The following NEK11 variants were observed in gnomAD, a reference collection of about 807,000 sequenced individuals.
NEK11 encodes the protein NIMA related kinase 11, also known as serine/threonine-protein kinase Nek11.
In NEK11, 72 loss-of-function variants were observed where a neutral mutation model predicts 80.7. The observed-to-expected ratio is 0.89, with a 90% confidence interval of 0.74 to 1.08. The LOEUF is 1.08. Ranked by LOEUF, NEK11 falls within the 50% of genes least tolerant of loss-of-function variation. NEK11 has a pLI of 0.00. For missense variants in NEK11, 764 were observed against 763.6 expected (o/e 1.00, Z -0.01); for synonymous variants, 251 against 260.7 (o/e 0.96, Z 0.36).
At chr3:131,143,693 T>C (rs1455305087) in intron 7 of NEK11, among the ~76,000 whole-genome samples, 2 of 152,066 alleles carry the variant, frequency 1.3e-5, no homozygotes, top group African/African-American at 4.8e-5. Flanking sequence ...ATAAGGTAGG[T>C]CATTCATAAA....
At chr3:131,266,997 G>T (rs930887357) in intron 16 of NEK11, among the ~76,000 whole-genome samples, 3 of 152,158 alleles carry the variant, frequency 2.0e-5, no homozygotes, top group Admixed American at 2.0e-4. Flanking sequence ...TTTTATCAGA[G>T]ACTAAATTGC....
chr3:131,305,916 A>G (rs767478819), intron 17 of NEK11, among the ~76,000 whole-genome samples: 7 of 152,002 alleles, frequency 4.6e-5, no homozygotes, highest in Non-Finnish European at 8.8e-5. Flanking sequence ...GGAGTGTCCC[A>G]GTCTTCCCAG....
intron 4 of NEK11, among the ~76,000 whole-genome samples, chr3:131,086,348 T>C (rs2075981078): frequency 6.6e-6 from 1 of 152,240 alleles, no homozygotes; most frequent in South Asian, 2.1e-4. Flanking sequence ...ATTGTGATTA[T>C]ATATTTCTCT....
At chr3:131,215,394 C>T (rs1032871867) in intron 14 of NEK11, among the ~76,000 whole-genome samples, 9 of 151,594 alleles carry the variant, frequency 5.9e-5, no homozygotes, top group East Asian at 3.9e-4. Flanking sequence ...GCACGTTGTG[C>T]ACATGTACCC....
intron 5 of NEK11, among the ~76,000 whole-genome samples, chr3:131,124,372 A>C (rs1220209389): frequency 6.6e-6 from 1 of 152,250 alleles, no homozygotes; most frequent in African/African-American, 2.4e-5. Context: ...TTTGTCCAGC[A>C]GAGATGCAAA....
intron 17 of NEK11, among the ~76,000 whole-genome samples, chr3:131,288,458 T>C (rs113647237): frequency 8.6e-5 from 4 of 46,494 alleles, no homozygotes; most frequent in Non-Finnish European, 7.9e-5. Flanking sequence ...TTCTTTTTTT[T>C]TTTTTTTTTT....
intron 3 of NEK11, 21 bp from the exon 4 acceptor site, chr3:131,080,402 T>TA: frequency 1.9e-6 from 3 of 1,572,988 alleles, no homozygotes; most frequent in Non-Finnish European, 2.6e-6. Context: ...TAAATGTTTT[T>TA]AAAATTTTTT....
At chr3:131,337,275 C>A (rs2097201361) in intron 17 of NEK11, among the ~76,000 whole-genome samples, 2 of 151,722 alleles carry the variant, frequency 1.3e-5, no homozygotes, top group African/African-American at 4.8e-5. Flanking sequence ...CCATGGAATA[C>A]TATGCAGCCA....
chr3:131,119,833 A>G (rs2082051624), intron 5 of NEK11, among the ~76,000 whole-genome samples: 1 of 152,188 alleles, frequency 6.6e-6, no homozygotes, highest in Non-Finnish European at 1.5e-5. Context: ...GTTGCTTGGT[A>G]GATCTTCCTC....
At position 131,037,063 on chromosome 3, in the gene NEK11, G is replaced by A. The variant is rs180813273; in HGVS notation, c.170+7185G>A. Among the ~76,000 whole-genome samples, 668 of 152,210 alleles carry A rather than the reference G, an allele frequency of 4.4e-3. 3 individuals carry two copies. Among genetic ancestry groups the A allele is most frequent in the Non-Finnish European group, 8.0e-3 (542 of 68,002 alleles). Reference sequence around the variant, plus strand: ...ACTTGTTGGATATCTAGATTCTAGTGCCTTCTTTGAAGTAGAAGACTATTG... The same window carrying A: ...ACTTGTTGGATATCTAGATTCTAGTACCTTCTTTGAAGTAGAAGACTATTG... On this transcript the variant is annotated intron_variant, in intron 3 of 17. Transcript: ENST00000383366.
intron 15 of NEK11, among the ~76,000 whole-genome samples, chr3:131,231,194 A>ATTTTCTTTT (rs1482914152): frequency 7.6e-6 from 1 of 132,148 alleles, no homozygotes; most frequent in Non-Finnish European, 1.5e-5. Flanking sequence ...TCTTATTCCT[A>ATTTTCTTTT]TTTTCTTTTT....
intron 3 of NEK11, among the ~76,000 whole-genome samples, chr3:131,033,275 A>T (rs1338070453): frequency 6.6e-6 from 1 of 152,178 alleles, no homozygotes; most frequent in Non-Finnish European, 1.5e-5. Context: ...TTGACTAGAT[A>T]AGGTTTTAAA....
intron 11 of NEK11, among the ~76,000 whole-genome samples, chr3:131,163,747 G>A (rs1481421794): frequency 6.6e-6 from 1 of 152,018 alleles, no homozygotes. Flanking sequence ...ATCCCACAAT[G>A]TATACATATA....
chr3:131,033,337 G>C (rs2109344495), intron 3 of NEK11, among the ~76,000 whole-genome samples: 1 of 152,232 alleles, frequency 6.6e-6, no homozygotes, highest in Non-Finnish European at 1.5e-5. Context: ...AATGTTAGAG[G>C]TGGCTAGAAG....
chr3:131,257,824 A>G (rs1362897866), intron 16 of NEK11, among the ~76,000 whole-genome samples: 1 of 152,310 alleles, frequency 6.6e-6, no homozygotes, highest in Non-Finnish European at 1.5e-5. Context: ...ACTACTGGGT[A>G]TCTACCCAAA....
chr3:131,255,352 T>A (rs4974471), intron 16 of NEK11, among the ~76,000 whole-genome samples: 19,641 of 152,186 alleles, frequency 0.13, 1,560 homozygotes, highest in Admixed American at 0.21. Context: ...TAATAACACA[T>A]ACCCAGTTCT....
rs781532962 is a variant in NEK11 at position 131,109,811 on chromosome 3, T to C, written c.345T>C (p.Asp115=). ...TATGCTCTTCATTTCAGGGCCGAGA[T>C]CTGGACGATAAAATTCAGGAATATA... ...CIITEYCEGR[D]LDDKIQEYKQ... The change falls in exon 5 of 18, where the codon GAT becomes GAC. Residue 115 remains aspartate, a synonymous_variant. Transcript: ENST00000383366. 6.3e-7 allele frequency: 1 copy of C among 1,594,584 alleles called. No homozygotes were observed. Among genetic ancestry groups the C allele is most frequent in the Non-Finnish European group, 8.5e-7 (1 of 1,174,390 alleles).
intron 15 of NEK11, among the ~76,000 whole-genome samples, chr3:131,240,638 A>G (rs1580729656): frequency 1.3e-5 from 2 of 152,296 alleles, no homozygotes; most frequent in East Asian, 3.9e-4. Context: ...TTGGCTTGGA[A>G]TACACAAGAA....
Position 131,170,763 on chromosome 3 carries a change from C to G in NEK11, c.1285-10C>G. 2 of 1,552,904 alleles carry G rather than the reference C, an allele frequency of 1.3e-6. No individual in the cohort carries two copies. The highest frequency in any genetic ancestry group is 1.8e-6 in the Non-Finnish European group (2 of 1,124,250). On this transcript the variant is annotated splice_polypyrimidine_tract_variant and intron_variant, in intron 13 of 17. Transcript: ENST00000383366. ...CAGCATCTCATGAATTGTTAATTAC[C>G]TTCCACAAGGAATCTGATGAACCAA... is the stretch of plus-strand genomic sequence containing the variant.
Sources: gnomAD v4.1 joint callset for allele counts (sites outside exome capture counted in the v4.1 genomes callset) on GRCh38, gnomAD v4.1.1 for gene constraint, MANE v1.5 for transcripts, NCBI Gene and HGNC (gene_info 2026-07-23, HGNC 2026-07-21) for gene names.